CHN2: variants seen among roughly 807,000 people sequenced by gnomAD.
CHN2 encodes chimerin 2.
A neutral mutation model predicts 56.3 loss-of-function variants in CHN2; 35 were observed. The observed-to-expected ratio is 0.62, with a 90% CI of 0.47 to 0.82. The LOEUF is 0.82. Ranked by LOEUF, CHN2 falls within the 40% of genes least tolerant of loss-of-function variation. CHN2 has a pLI of 0.00. For missense variants in CHN2, 491 were observed against 580.5 expected (o/e 0.85, Z 1.58); for synonymous variants, 210 against 212.8 (o/e 0.99, Z 0.12).
intron 1 of CHN2, among the ~76,000 whole-genome samples, chr7:29,307,109 T>C (rs1278114617): frequency 6.6e-6 from 1 of 152,222 alleles, no homozygotes; most frequent in East Asian, 1.9e-4. Context: ...AGCTAAATCA[T>C]TTAACCAGAC....
intron 1 of CHN2, among the ~76,000 whole-genome samples, chr7:29,282,325 G>T (rs1444501203): frequency 2.0e-5 from 3 of 152,196 alleles, no homozygotes; most frequent in Non-Finnish European, 4.4e-5. Flanking sequence ...ACTATGTGCA[G>T]GGTACAGTGC....
rs75625266 is a variant in CHN2, at chr7:29,443,917, C to G, written c.577-36362C>G. ...ACAAGAACTTGTTAGAACAAGAATTCAGGAAAAGGCAGGAAATACTTGAGG... is the reference window on the plus strand; with the variant it reads ...ACAAGAACTTGTTAGAACAAGAATTGAGGAAAAGGCAGGAAATACTTGAGG... On this transcript the variant is annotated intron_variant, in intron 6 of 12. Transcript: ENST00000222792. Among the ~76,000 whole-genome samples the G allele has an allele frequency of 6.1e-3, 932 of 152,282 alleles. 11 individuals are homozygous for G. Among genetic ancestry groups the G allele is most frequent in the African/African-American group, 0.021 (869 of 41,558 alleles).
intron 2 of CHN2, among the ~76,000 whole-genome samples, chr7:29,163,425 A>G (rs1210865370): frequency 6.6e-6 from 1 of 152,190 alleles, no homozygotes; most frequent in African/African-American, 2.4e-5. Flanking sequence ...AAAATTACAT[A>G]TGTGATTCAT....
At chr7:29,175,167 T>G (rs535022683) in intron 2 of CHN2, among the ~76,000 whole-genome samples, 14 of 150,306 alleles carry the variant, frequency 9.3e-5, no homozygotes, top group Admixed American at 4.0e-4. Context: ...TGATGATTTC[T>G]TTTTCTTTTT....
intron 1 of CHN2, among the ~76,000 whole-genome samples, chr7:29,206,409 G>A (rs1462951401): frequency 6.6e-6 from 1 of 152,138 alleles, no homozygotes; most frequent in Non-Finnish European, 1.5e-5. Context: ...AGCCTCCTGA[G>A]TAGCTGGGAT....
At chr7:29,456,213 C>G (rs568537541) in intron 6 of CHN2, among the ~76,000 whole-genome samples, 35 of 152,282 alleles carry the variant, frequency 2.3e-4, no homozygotes, top group African/African-American at 8.4e-4. Flanking sequence ...CTCCTCTGAA[C>G]GTATTGCTTC....
intron 1 of CHN2, among the ~76,000 whole-genome samples, chr7:29,326,129 A>ATTGT (rs71555797): frequency 0.044 from 6,662 of 151,278 alleles, 183 homozygotes; most frequent in African/African-American, 0.07. Context: ...TAGAGAAATT[A>ATTGT]TTGTTTGTTT....
At chr7:29,257,041 C>A (rs202081314) in intron 1 of CHN2, among the ~76,000 whole-genome samples, 1 of 152,156 alleles carries the variant, frequency 6.6e-6, no homozygotes, top group Non-Finnish European at 1.5e-5. Context: ...GCAATTAAGA[C>A]TGGGGCTGTC....
chr7:29,479,381 C>T (rs1449786722), intron 6 of CHN2, among the ~76,000 whole-genome samples: 1 of 152,100 alleles, frequency 6.6e-6, no homozygotes, highest in African/African-American at 2.4e-5. Flanking sequence ...CAGGAGAGAC[C>T]GGGGAGTGTC....
chr7:29,386,676 G>C (rs1800941332), intron 3 of CHN2, among the ~76,000 whole-genome samples: 1 of 152,112 alleles, frequency 6.6e-6, no homozygotes, highest in African/African-American at 2.4e-5. Flanking sequence ...TTTGGAGCTT[G>C]GCAAAATACT....
At chr7:29,158,588 G>A (rs903256540) in intron 2 of CHN2, among the ~76,000 whole-genome samples, 9 of 152,194 alleles carry the variant, frequency 5.9e-5, no homozygotes, top group South Asian at 4.2e-4. Context: ...CATCCTCTAC[G>A]AGATCTGTTT....
intron 6 of CHN2, among the ~76,000 whole-genome samples, chr7:29,430,942 C>T (rs1204676951): frequency 6.6e-6 from 1 of 152,108 alleles, no homozygotes; most frequent in East Asian, 1.9e-4. Flanking sequence ...AACAAGGAGC[C>T]ATAATTGGCT....
intron 3 of CHN2, among the ~76,000 whole-genome samples, chr7:29,383,006 G>A (rs1238744919): frequency 6.6e-6 from 1 of 152,134 alleles, no homozygotes; most frequent in African/African-American, 2.4e-5. Context: ...GGACACACAA[G>A]CAAGGACCAT....
intron 1 of CHN2, among the ~76,000 whole-genome samples, chr7:29,325,992 T>G (rs988350637): frequency 1.3e-5 from 2 of 152,234 alleles, no homozygotes; most frequent in Non-Finnish European, 2.9e-5. Context: ...CTTTAAATCA[T>G]CTGTAAGGTC....
At chr7:29,464,637 G>C (rs934327395) in intron 6 of CHN2, among the ~76,000 whole-genome samples, 2 of 152,162 alleles carry the variant, frequency 1.3e-5, no homozygotes, top group African/African-American at 2.4e-5. Flanking sequence ...ATCAGGGTTG[G>C]ATTTGGTGTG....
intron 1 of CHN2, among the ~76,000 whole-genome samples, chr7:29,207,026 ATACT>A (rs771300011): frequency 6.6e-6 from 1 of 152,212 alleles, no homozygotes; most frequent in Admixed American, 6.5e-5. Context: ...GATTGTGGTA[ATACT>A]TAATAGTTAC....
chr7:29,291,180 A>G (rs142021212), intron 1 of CHN2, among the ~76,000 whole-genome samples: 4 of 152,162 alleles, frequency 2.6e-5, no homozygotes, highest in African/African-American at 9.6e-5. Flanking sequence ...AAATGCCACC[A>G]TTTTGCCTCT....
chr7:29,259,069 T>C (rs527486228), intron 1 of CHN2, among the ~76,000 whole-genome samples: 1 of 150,516 alleles, frequency 6.6e-6, no homozygotes, highest in African/African-American at 2.4e-5. Context: ...GGCTCATGCC[T>C]GTAATCCCAA....
At position 29,500,851 on chromosome 7, in the gene CHN2, G is replaced by A. The variant is rs1789888421; in HGVS notation, c.913+811G>A. ...ATGCAATGAAAAATAAAGGAAACAAGGAAGATAGAAACATTCCAAAAAATG... is the reference window on the plus strand; with the variant it reads ...ATGCAATGAAAAATAAAGGAAACAAAGAAGATAGAAACATTCCAAAAAATG... On this transcript the variant is annotated intron_variant, in intron 9 of 12. Transcript: ENST00000222792. Among the ~76,000 whole-genome samples the A allele has an allele frequency of 3.3e-5, 5 of 152,144 alleles. No individual in the cohort carries two copies. In the South Asian group the frequency reaches 1.0e-3, roughly 32 times the overall value.
Sources: gnomAD v4.1 joint callset for allele counts (sites outside exome capture counted in the v4.1 genomes callset) on GRCh38, gnomAD v4.1.1 for gene constraint, MANE v1.5 for transcripts, NCBI Gene and HGNC (gene_info 2026-07-23, HGNC 2026-07-21) for gene names.